The following USP3 variants were observed in gnomAD, a reference collection of about 807,000 sequenced individuals.
USP3 encodes the protein ubiquitin carboxyl-terminal hydrolase 3.
Under a neutral mutation model 72.3 loss-of-function variants are expected in USP3, and 20 were observed. The observed-to-expected ratio is 0.28, with a 90% CI of 0.19 to 0.40. The LOEUF (loss-of-function observed/expected upper bound fraction) is 0.40. USP3 is among the 10% of genes least tolerant of loss of function. USP3 has a pLI of 1.00. For missense variants in USP3, 479 were observed against 633.9 expected, an observed-to-expected ratio of 0.76 and a Z score of 2.62; for synonymous variants, 222 against 225.3, an observed-to-expected ratio of 0.99 and a Z score of 0.13.
intron 3 of USP3, among the ~76,000 whole-genome samples, chr15:63,539,062 C>T (rs1241406265): frequency 6.6e-6 from 1 of 151,592 alleles, no homozygotes; most frequent in African/African-American, 2.4e-5. Context: ...CAAAGTTAAG[C>T]ATTAGCCAGG....
At chr15:63,560,341 A>C (rs1239450519) in intron 7 of USP3, among the ~76,000 whole-genome samples, 1 of 151,628 alleles carries the variant, frequency 6.6e-6, no homozygotes, top group Non-Finnish European at 1.5e-5. Flanking sequence ...GCTTGAACCC[A>C]AGAGGCAGAG....
chr15:63,560,001 T>C, intron 7 of USP3, 31 bp downstream of exon 7: 1 of 1,584,490 alleles, frequency 6.3e-7, no homozygotes, highest in Non-Finnish European at 8.6e-7. Context: ...CTTTCTGGCT[T>C]TGAGTTACAA....
chr15:63,511,504 G>C (rs1354000799), intron 1 of USP3, among the ~76,000 whole-genome samples: 3 of 152,136 alleles, frequency 2.0e-5, no homozygotes, highest in Admixed American at 6.5e-5. Context: ...AGGAATTGGT[G>C]ATATAGTTTG....
At position 63,590,875 on chromosome 15, in the gene USP3, A is replaced by C. The variant is rs2067185707; in HGVS notation, c.*49A>C. The C allele has an allele frequency of 2.0e-6, 3 of 1,523,968 alleles. No individual in the cohort carries two copies. Among genetic ancestry groups the C allele is most frequent in the Non-Finnish European group, 2.6e-6 (3 of 1,133,272 alleles). 94.4% of individuals were successfully genotyped at this position (1,523,968 alleles called of 1,614,324 possible). On this transcript the variant is annotated 3_prime_UTR_variant, in exon 15 of 15. Transcript: ENST00000380324. ...CCAACCATACCAGAGAAACATTTCC[A>C]GTTTTCCACAAATACTTGATACAAG...
At chr15:63,513,886 CTG>C (rs1229005282) in intron 1 of USP3, among the ~76,000 whole-genome samples, 1 of 152,134 alleles carries the variant, frequency 6.6e-6, no homozygotes, top group African/African-American at 2.4e-5. Context: ...TAAAAAATAA[CTG>C]TATAATATAG....
chr15:63,524,697 C>T (rs1311502571), intron 1 of USP3, among the ~76,000 whole-genome samples: 1 of 152,136 alleles, frequency 6.6e-6, no homozygotes, highest in Non-Finnish European at 1.5e-5. Flanking sequence ...AGTCTCCCTG[C>T]ACATGGTTTG....
In USP3 at chr15:63,546,692, C is replaced by T. The variant is rs542351748; in HGVS notation, c.285-7023C>T. The stretch of plus-strand genomic sequence containing the variant: ...TCAGCTCACTGCAAGCTCCACCTCC[C>T]GGGTTCACGCCATTCTCCTGCCTCA... On this transcript the variant is annotated intron_variant, in intron 3 of 14. Coordinates refer to ENST00000380324, the MANE Select transcript of USP3 (RefSeq NM_006537.4). Among the ~76,000 whole-genome samples the T allele has an allele frequency of 8.5e-5, 13 of 152,210 alleles. No individual in the cohort carries two copies. The East Asian group carries it at 1.5e-3, about 18-fold the overall frequency.
chr15:63,555,232 C>G lies in USP3; in HGVS notation c.368+1434C>G, dbSNP rs533657413. On this transcript the variant is annotated intron_variant, in intron 4 of 14. Coordinates refer to ENST00000380324, the MANE Select transcript of USP3 (RefSeq NM_006537.4). ...CCATTTCCTATGTTGAAAAACATTACCTAGATTCATTTTTGTGTTTTGCAA... is the reference window on the plus strand; with the variant it reads ...CCATTTCCTATGTTGAAAAACATTAGCTAGATTCATTTTTGTGTTTTGCAA... 6.6e-5 allele frequency among the ~76,000 whole-genome samples: 10 copies of G among 152,114 alleles called. No individual in the cohort carries two copies. The South Asian group carries it at 1.9e-3, about 28-fold the overall frequency.
At chr15:63,534,353 C>T (rs1435880804) in intron 2 of USP3, among the ~76,000 whole-genome samples, 1 of 152,070 alleles carries the variant, frequency 6.6e-6, no homozygotes, top group African/African-American at 2.4e-5. Flanking sequence ...GAATATTCTT[C>T]CCACTAGGAA....
At chr15:63,524,898 C>T (rs1328507351) in intron 1 of USP3, among the ~76,000 whole-genome samples, 8 of 152,146 alleles carry the variant, frequency 5.3e-5, no homozygotes, top group East Asian at 1.9e-4. Context: ...TGCCCAGATT[C>T]GGAGAATGAG....
intron 7 of USP3, among the ~76,000 whole-genome samples, chr15:63,562,029 A>G (rs2066615326): frequency 2.0e-5 from 3 of 152,218 alleles, no homozygotes; most frequent in Non-Finnish European, 4.4e-5. Flanking sequence ...TGACAAAGCC[A>G]TCGGGCTCCT....
chr15:63,588,918 A>G lies in USP3; in HGVS notation c.1330-26A>G. 1 of 1,614,024 alleles carries G rather than the reference A, an allele frequency of 6.2e-7. No individual in the cohort carries two copies. Among genetic ancestry groups the G allele is most frequent in the Non-Finnish European group, 8.5e-7 (1 of 1,179,922 alleles). Reference sequence around the variant, plus strand: ...CATCGAGATACTGATGTCATTGACCACTGCTCCTTCTTCCTTGTTCTGTAG... The same window carrying G: ...CATCGAGATACTGATGTCATTGACCGCTGCTCCTTCTTCCTTGTTCTGTAG... On this transcript the variant is annotated intron_variant, in intron 13 of 14. Coordinates refer to ENST00000380324, the MANE Select transcript of USP3 (RefSeq NM_006537.4). The surrounding 1 kb of genome is among the most constrained non-coding windows in gnomAD (Gnocchi z 4.6).
At chr15:63,505,964 T>A (rs1235878609) in intron 1 of USP3, among the ~76,000 whole-genome samples, 3 of 152,214 alleles carry the variant, frequency 2.0e-5, no homozygotes, top group African/African-American at 7.2e-5. Flanking sequence ...TTTGACAGCT[T>A]ACTACTTAAA....
At position 63,562,926 on chromosome 15, in the gene USP3, T is replaced by G. The variant is rs781508581; in HGVS notation, c.679T>G (p.Cys227Gly). ...SLVEEFRKTL[C>G]ALWQGSQTAF... ...GGTAGAAGAGTTTAGAAAGACACTC[T>G]GTGCTTTATGGCAAGGCAGCCAGAC... The change falls in exon 8 of 15, where the codon TGT (cysteine) becomes GGT (glycine). Residue 227 changes from cysteine to glycine, a missense_variant. By Grantham distance (159) the Cys-to-Gly change is radical (BLOSUM62 -3). Transcript: ENST00000380324. The G allele has an allele frequency of 3.7e-6, 6 of 1,612,556 alleles. No individual in the cohort carries two copies.
chr15:63,509,747 T>G (rs2065758513), intron 1 of USP3, among the ~76,000 whole-genome samples: 1 of 152,186 alleles, frequency 6.6e-6, no homozygotes, highest in African/African-American at 2.4e-5. Flanking sequence ...CAATCTCAGC[T>G]TATTTCTAGA....
chr15:63,532,663 A>C lies in USP3; in HGVS notation c.108A>C (p.Lys36Asn). 6.2e-7 allele frequency: 1 copy of C among 1,614,034 alleles called. No homozygotes were observed. Among genetic ancestry groups the C allele is most frequent in the Non-Finnish European group, 8.5e-7 (1 of 1,179,964 alleles). ...TTTTATTAGTGTGCCGGTCCAACAA[A>C]AGCCCTTGGGTCTGTTTGACTTGTT... ...SWCCSVCRSN[K>N]SPWVCLTCSS... The change falls in exon 2 of 15, where the codon AAA (lysine) becomes AAC (asparagine). Residue 36 changes from lysine (K) to asparagine (N), a missense_variant. By Grantham distance (94) the Lys-to-Asn change is moderately conservative. Transcript: ENST00000380324.
rs116482340 is a variant in USP3, at chr15:63,531,734, G to A, written c.92-913G>A. On this transcript the variant is annotated intron_variant, in intron 1 of 14. Transcript: ENST00000380324. ...CAAATATTTATTGAGCATCTACAACGTGCTAGGTGGTTACTATGATCCTGT... is the reference window on the plus strand; with the variant it reads ...CAAATATTTATTGAGCATCTACAACATGCTAGGTGGTTACTATGATCCTGT... Among the ~76,000 whole-genome samples, 724 of 152,222 alleles carry A rather than the reference G, an allele frequency of 4.8e-3. 10 individuals are homozygous for A. The highest frequency in any genetic ancestry group is 0.017 in the African/African-American group (696 of 41,508).
At chr15:63,586,433 C>T (rs2067064282) in intron 11 of USP3, among the ~76,000 whole-genome samples, 1 of 152,162 alleles carries the variant, frequency 6.6e-6, no homozygotes, top group Admixed American at 6.5e-5. Flanking sequence ...CCTATGACCC[C>T]CGCTGTCCCC....
At chr15:63,507,290 C>A (rs973587477) in intron 1 of USP3, among the ~76,000 whole-genome samples, 40 of 152,134 alleles carry the variant, frequency 2.6e-4, no homozygotes, top group African/African-American at 8.9e-4. Context: ...GACAGCCAAG[C>A]AAATTGCAAA....
Sources: gnomAD v4.1 joint callset for allele counts (sites outside exome capture counted in the v4.1 genomes callset) on GRCh38, gnomAD v4.1.1 for gene constraint, Gnocchi (gnomAD v3.1) non-coding constraint, MANE v1.5 for transcripts, NCBI Gene and HGNC (gene_info 2026-07-23, HGNC 2026-07-21) for gene names.